Variants in MZF1 observed in about 807,000 individuals in gnomAD.
MZF1 encodes the protein myeloid zinc finger 1.
A neutral mutation model predicts 28.6 loss-of-function variants in MZF1; 24 were observed. That is an observed-to-expected ratio of 0.84 (90% CI 0.61 to 1.18). The LOEUF is 1.18. Among genes scored for constraint, MZF1 ranks in the 50% most tolerant of loss-of-function variants. MZF1 has a pLI of 0.00. For missense variants in MZF1, 1,166 were observed against 1,026.4 expected (o/e 1.14, Z -1.86); for synonymous variants, 516 against 432.5 (o/e 1.19, Z -2.40).
In MZF1 at chr19:58,571,427, C is replaced by A; in HGVS notation, c.-38G>T. The A allele has an allele frequency of 6.2e-7, 1 of 1,609,814 alleles. No homozygotes were observed. The highest frequency in any genetic ancestry group is 8.5e-7 in the Non-Finnish European group (1 of 1,177,862). On this transcript the variant is annotated splice_region_variant and 5_prime_UTR_variant, in exon 2 of 6. Transcript: ENST00000215057. ...GTCAGGTATCTGAGGCCAGTGTCTGCCCCTGGTGAAGAAATAGGATGAGGC... is the reference window on the plus strand; with the variant it reads ...GTCAGGTATCTGAGGCCAGTGTCTGACCCTGGTGAAGAAATAGGATGAGGC...
intron 3 of MZF1, 95 bp from the exon 4 acceptor site, chr19:58,569,681 G>T: frequency 2.6e-6 from 3 of 1,133,758 alleles, no homozygotes; most frequent in South Asian, 3.1e-5. Context: ...AGAGAGGTGG[G>T]ATTCTTGGTT....
At chr19:58,573,473 C>T (rs575910476), upstream of MZF1, 2 of 152,560 alleles carry the variant, frequency 1.3e-5, no homozygotes, top group East Asian at 3.8e-4. Flanking sequence ...CAACTCCCTA[C>T]AGGAAGGGGC....
At position 58,563,340 on chromosome 19, in the gene MZF1, T is replaced by C; in HGVS notation, c.937A>G (p.Ser313Gly). Residue 313 changes from serine to glycine, a missense_variant, in exon 6 of 6, where the codon AGT becomes GGT. Coordinates refer to ENST00000215057, the MANE Select transcript of MZF1 (RefSeq NM_198055.2). ...TCCTCGTCCGTGGGGTCCTGTTCAC[T>C]CCTCAGATCGCTGGGGAGCAGAAGC... ...HALLLPSDLR[S>G]EQDPTDEDPC... is the part of the protein sequence containing the mutation. 1 of 1,608,944 alleles carries C rather than the reference T, an allele frequency of 6.2e-7. No individual in the cohort carries two copies. The highest frequency in any genetic ancestry group is 8.5e-7 in the Non-Finnish European group (1 of 1,177,984).
chr19:58,563,190 T>G lies in MZF1; in HGVS notation c.1087A>C (p.Lys363Gln), dbSNP rs1029198993. ...VRGGRCDVCG[K>Q]VFSQRSNLLR... Reference sequence around the variant, plus strand: ...AGGTTGCTGCGTTGGCTGAACACCTTGCCACATACATCGCAACGGCCGCCC... The same window carrying G: ...AGGTTGCTGCGTTGGCTGAACACCTGGCCACATACATCGCAACGGCCGCCC... Residue 363 changes from lysine (K) to glutamine (Q), a missense_variant, in exon 6 of 6, where the codon AAG becomes CAG. Transcript: ENST00000215057. 3.1e-6 allele frequency: 5 copies of G among 1,611,334 alleles called. No individual in the cohort carries two copies. The Admixed American group carries it at 8.3e-5, about 27-fold the overall frequency.
rs777620031 is a variant in MZF1 at position 58,562,182 on chromosome 19, G to C, written c.2095C>G (p.His699Asp). 1.9e-6 allele frequency: 3 copies of C among 1,604,668 alleles called. No individual in the cohort carries two copies. Among genetic ancestry groups the C allele is most frequent in the Non-Finnish European group, 2.5e-6 (3 of 1,177,804 alleles). The change falls in exon 6 of 6, where the codon CAT becomes GAT. Residue 699 changes from histidine (H) to aspartate (D), a missense_variant. By Grantham distance (81) the His-to-Asp change is moderately conservative. Transcript: ENST00000215057. ...AFRQRPTLTQ[H>D]LRTHRREKPF... ...TTCTCTCGTCGGTGGGTGCGCAGAT[G>C]CTGCGTGAGCGTGGGCCGCTGGCGG... is the stretch of plus-strand genomic sequence containing the variant.
Position 58,561,980 on chromosome 19 carries a change from G to C in MZF1, c.*92C>G, listed in dbSNP as rs529743630. On this transcript the variant is annotated 3_prime_UTR_variant, in exon 6 of 6. Transcript: ENST00000215057. ...ACCTACAGTAGCCAAGCCCTGGGCG[G>C]ACCTGCTTATACTTATGTAATCGCC... 3.0e-6 allele frequency: 4 copies of C among 1,335,350 alleles called. No individual in the cohort carries two copies. The African/African-American group carries it at 4.4e-5, about 15-fold the overall frequency. The allele number at this position is 1,335,350 out of a possible 1,614,324, so 82.7% of individuals were successfully genotyped here.
intron 5 of MZF1, chr19:58,568,304 G>A (rs1432054834): frequency 6.6e-6 from 1 of 152,018 alleles, no homozygotes; most frequent in Non-Finnish European, 1.5e-5. Flanking sequence ...AAAGATACAA[G>A]TGAGAAAATT....
rs2054196144 is a variant in MZF1 at position 58,573,037 on chromosome 19, A to G, written c.-41+18T>C. On this transcript the variant is annotated intron_variant, in intron 1 of 5. Coordinates refer to ENST00000215057, the MANE Select transcript of MZF1 (RefSeq NM_198055.2). ...GTCCACACGATAGCCCTCCCGGTTA[A>G]GAGGACCCCGCCCTCACCTCTGCGC... 6.1e-6 allele frequency: 1 copy of G among 164,156 alleles called. No homozygotes were observed. Among genetic ancestry groups the G allele is most frequent in the Non-Finnish European group, 1.4e-5 (1 of 73,166 alleles). 10.2% of individuals were successfully genotyped at this position (164,156 alleles called of 1,614,324 possible).
intron 2 of MZF1, 23 bp downstream of exon 2, chr19:58,570,971 C>A: frequency 1.3e-6 from 2 of 1,581,908 alleles, no homozygotes; most frequent in South Asian, 1.2e-5. Flanking sequence ...AGTCCTGAAC[C>A]CCACTCGTGG....
chr19:58,563,182 G>A lies in MZF1; in HGVS notation c.1095C>T (p.Phe365=), dbSNP rs755791522. Reference sequence around the variant, plus strand: ...GCCTCAGCAGGTTGCTGCGTTGGCTGAACACCTTGCCACATACATCGCAAC... The same window carrying A: ...GCCTCAGCAGGTTGCTGCGTTGGCTAAACACCTTGCCACATACATCGCAAC... The part of the protein sequence containing the change: ...GGRCDVCGKV[F]SQRSNLLRHQ... Residue 365 remains phenylalanine, a synonymous_variant, in exon 6 of 6, where the codon TTC becomes TTT. Transcript: ENST00000215057. 6.2e-7 allele frequency: 1 copy of A among 1,610,930 alleles called. No individual in the cohort carries two copies. The highest frequency in any genetic ancestry group is 1.1e-5 in the South Asian group (1 of 90,970).
rs1302857879 is a variant in MZF1 at position 58,563,104 on chromosome 19, G to T, written c.1173C>A (p.Arg391=). ...ERPFVCSECG[R]SFSRSSHLLR... is the part of the protein sequence containing the mutation. ...GCAGGTGCGAGCTGCGGCTGAAGCT[G>T]CGGCCGCACTCGCTGCACACGAATG... Residue 391 remains arginine, a synonymous_variant, in exon 6 of 6, where the codon CGC becomes CGA. Transcript: ENST00000215057. The T allele has an allele frequency of 6.2e-7, 1 of 1,605,686 alleles. No homozygotes were observed. Among genetic ancestry groups the T allele is most frequent in the Non-Finnish European group, 8.5e-7 (1 of 1,179,334 alleles).
Position 58,562,795 on chromosome 19 carries a change from G to C in MZF1, c.1482C>G (p.Phe494Leu), listed in dbSNP as rs557389571. The change falls in exon 6 of 6, where the codon TTC becomes TTG. Residue 494 changes from phenylalanine (F) to leucine (L), a missense_variant. By Grantham distance (22) the Phe-to-Leu change is conservative. Coordinates refer to ENST00000215057, the MANE Select transcript of MZF1 (RefSeq NM_198055.2). Reference protein sequence around the residue: ...PFPCSECRESFARRAVLLEHQ... With the variant: ...PFPCSECRESLARRAVLLEHQ... ...GCTCCAGCAGCACGGCGCGCCGCGC[G>C]AAGCTCTCGCGGCACTCGCTGCACG... is the stretch of plus-strand genomic sequence containing the variant. 23 of 1,534,332 alleles carry C rather than the reference G, an allele frequency of 1.5e-5. No homozygotes were observed. In the South Asian group the frequency reaches 2.4e-4, roughly 16 times the overall value.
chr19:58,568,926 C>G (rs894651235), intron 5 of MZF1: 3 of 211,850 alleles, frequency 1.4e-5, no homozygotes, highest in African/African-American at 7.1e-5. Context: ...CCAGCCCTAC[C>G]TGTCCTGATG....
chr19:58,562,205 C>T lies in MZF1; in HGVS notation c.2072G>A (p.Arg691His). 6.2e-7 allele frequency: 1 copy of T among 1,608,390 alleles called. No individual in the cohort carries two copies. Among genetic ancestry groups the T allele is most frequent in the Non-Finnish European group, 8.5e-7 (1 of 1,179,194 alleles). ...YACPECGKAF[R>H]QRPTLTQHLR... ...ATGCTGCGTGAGCGTGGGCCGCTGG[C>T]GGAAGGCCTTGCCACACTCAGGGCA... The change falls in exon 6 of 6, where the codon CGC becomes CAC. Residue 691 changes from arginine (R) to histidine (H), a missense_variant. Physicochemically the swap from Arg to His is conservative, Grantham distance 29. Coordinates refer to ENST00000215057, the MANE Select transcript of MZF1 (RefSeq NM_198055.2).
chr19:58,562,812 C>G lies in MZF1; in HGVS notation c.1465G>C (p.Glu489Gln). The G allele has an allele frequency of 6.5e-7, 1 of 1,535,076 alleles. No individual in the cohort carries two copies. Among genetic ancestry groups the G allele is most frequent in the East Asian group, 2.4e-5 (1 of 40,914 alleles). The change falls in exon 6 of 6, where the codon GAG (glutamate) becomes CAG (glutamine). Residue 489 changes from glutamate (E) to glutamine (Q), a missense_variant. Coordinates refer to ENST00000215057, the MANE Select transcript of MZF1 (RefSeq NM_198055.2). The part of the protein sequence containing the change: ...PEPPGPFPCS[E>Q]CRESFARRAV... ...CGCCGCGCGAAGCTCTCGCGGCACT[C>G]GCTGCACGGAAAGGGGCCGGGAGGC...
chr19:58,566,999 C>G (rs559476108), intron 5 of MZF1, among the ~76,000 whole-genome samples: 1 of 151,842 alleles, frequency 6.6e-6, no homozygotes, highest in Non-Finnish European at 1.5e-5. Context: ...ACTTCCCTGG[C>G]TTGGGTGATT....
In MZF1 at chr19:58,562,328, T is replaced by C; in HGVS notation, c.1949A>G (p.Glu650Gly). 6.2e-7 allele frequency: 1 copy of C among 1,609,586 alleles called. No homozygotes were observed. Among genetic ancestry groups the C allele is most frequent in the Non-Finnish European group, 8.5e-7 (1 of 1,178,866 alleles). The change falls in exon 6 of 6, where the codon GAA becomes GGA. Residue 650 changes from glutamate (E) to glycine (G), a missense_variant. Physicochemically the swap from Glu to Gly is moderately conservative, Grantham distance 98 (BLOSUM62 -2). Coordinates refer to ENST00000215057, the MANE Select transcript of MZF1 (RefSeq NM_198055.2). ...LTEHQRIHTG[E>G]RPFACPECGQ... is the part of the protein sequence containing the mutation. Reference sequence around the variant, plus strand: ...GCACTCGGGGCAGGCGAAGGGCCGTTCGCCCGTGTGGATGCGCTGGTGCTC... The same window carrying C: ...GCACTCGGGGCAGGCGAAGGGCCGTCCGCCCGTGTGGATGCGCTGGTGCTC...
intron 5 of MZF1, among the ~76,000 whole-genome samples, chr19:58,565,558 A>T (rs2054033172): frequency 6.8e-6 from 1 of 146,844 alleles, no homozygotes; most frequent in African/African-American, 2.5e-5. Flanking sequence ...CTTGAGACGG[A>T]GTCTCGCTCT....
At chr19:58,564,479 C>T (rs1478439642) in intron 5 of MZF1, 3 of 152,198 alleles carry the variant, frequency 2.0e-5, no homozygotes, top group Non-Finnish European at 4.4e-5. Context: ...GTGAACAGGA[C>T]AGGAAATGTA....
Sources: gnomAD v4.1 joint callset for allele counts (sites outside exome capture counted in the v4.1 genomes callset) on GRCh38, gnomAD v4.1.1 for gene constraint, MANE v1.5 for transcripts, NCBI Gene and HGNC (gene_info 2026-07-23, HGNC 2026-07-21) for gene names.